The following CDKL5 variants were observed in gnomAD, a reference collection of about 807,000 sequenced individuals.
CDKL5 encodes the protein cyclin dependent kinase like 5, also known as cyclin-dependent kinase-like 5.
A neutral mutation model predicts 61.7 loss-of-function variants in CDKL5; 8 were observed. The observed-to-expected ratio is 0.13, with a 90% CI of 0.08 to 0.23. The LOEUF is 0.23. CDKL5 is among the 10% of genes least tolerant of loss of function. The probability of loss-of-function intolerance (pLI) is 1.00; values close to 1 mark genes in which losing one functional copy is unlikely to be tolerated. For synonymous variants in CDKL5, 275 were observed against 272.3 expected (o/e 1.01, Z -0.10); for missense variants, 440 against 734.5 (o/e 0.60, Z 4.63).
intron 17 of CDKL5, 129 bp downstream of exon 17, chrX:18,625,376 G>A: frequency 1.4e-6 from 1 of 706,479 alleles, no homozygotes; most frequent in Non-Finnish European, 2.2e-6. Context: ...CCTCAAAATA[G>A]ACCCTCAGTT....
chrX:18,499,201 A>G (rs1922290017), intron 1 of CDKL5, among the ~76,000 whole-genome samples: 1 of 111,623 alleles, frequency 9.0e-6, no homozygotes, highest in South Asian at 3.7e-4. Context: ...CATTTGGTCA[A>G]ATTTTAAAAA....
At chrX:18,563,711 A>G (rs961887171) in intron 3 of CDKL5, among the ~76,000 whole-genome samples, 2 of 111,903 alleles carry the variant, frequency 1.8e-5, no homozygotes, top group African/African-American at 6.5e-5. Context: ...TTTATATGAC[A>G]TGTTGGCTTT....
chrX:18,429,792 T>A (rs1274784634), intron 1 of CDKL5, among the ~76,000 whole-genome samples: 1 of 111,167 alleles, frequency 9.0e-6, no homozygotes, highest in Non-Finnish European at 1.9e-5. Context: ...CGTGCTCCCA[T>A]ACCAGGCCAA....
At position 18,632,664 on chromosome X, in the gene CDKL5, T is replaced by G; in HGVS notation, c.*3907T>G. ...TAAGATTCACCTTACGCAGTTGTACTTTAATTCTAAGCTCAGAGCTATGCT... is the reference window on the plus strand; with the variant it reads ...TAAGATTCACCTTACGCAGTTGTACGTTAATTCTAAGCTCAGAGCTATGCT... On this transcript the variant is annotated 3_prime_UTR_variant, in exon 18 of 18. Transcript: ENST00000623535. 1 of 754,347 alleles carries G rather than the reference T, an allele frequency of 1.3e-6. No individual in the cohort carries two copies. The highest frequency in any genetic ancestry group is 2.3e-5 in the African/African-American group (1 of 43,912). The allele number at this position is 754,347 out of a possible 1,213,427, so 62.2% of individuals were successfully genotyped here.
intron 11 of CDKL5, among the ~76,000 whole-genome samples, chrX:18,602,539 C>G (rs1464135262): frequency 9.0e-6 from 1 of 111,391 alleles, no homozygotes; most frequent in East Asian, 2.8e-4. Flanking sequence ...TGCTGTAATT[C>G]TAATGACCTA....
At chrX:18,475,407 A>G (rs1162413067) in intron 1 of CDKL5, among the ~76,000 whole-genome samples, 2 of 107,941 alleles carry the variant, frequency 1.9e-5, no homozygotes, top group African/African-American at 3.4e-5. Context: ...CGATCCTCCC[A>G]CCTCAGCCTC....
At chrX:18,564,150 A>G (rs1442504824) in intron 3 of CDKL5, among the ~76,000 whole-genome samples, 3 of 111,739 alleles carry the variant, frequency 2.7e-5, no homozygotes, top group African/African-American at 9.8e-5. Context: ...AGTACAGATG[A>G]CAGTCTGACA....
intron 3 of CDKL5, among the ~76,000 whole-genome samples, chrX:18,529,764 G>A (rs1923575003): frequency 9.1e-6 from 1 of 110,221 alleles, no homozygotes; most frequent in African/African-American, 3.3e-5. Flanking sequence ...TTTTTCCTCT[G>A]ATTTCTTTCA....
At chrX:18,480,844 CTCT>C (rs1397946769) in intron 1 of CDKL5, among the ~76,000 whole-genome samples, 1 of 97,450 alleles carries the variant, frequency 1.0e-5, no homozygotes, top group Non-Finnish European at 2.1e-5. Flanking sequence ...CTTCCTCTTC[CTCT>C]TCTTTCTTCC....
At chrX:18,519,703 C>T (rs182745408) in intron 3 of CDKL5, among the ~76,000 whole-genome samples, 3 of 111,299 alleles carry the variant, frequency 2.7e-5, no homozygotes, top group East Asian at 2.8e-4. Flanking sequence ...CACCCAAAGA[C>T]GAATACGAAG....
At position 18,509,238 on chromosome X, in the gene CDKL5, CA is replaced by C. The variant is rs1569198499; in HGVS notation, c.65-1581del. ...ACACACACACACACACACACACACA[CA>C]CACACACCCCTGTCAAGCAAACTCT... On this transcript the variant is annotated intron_variant, in intron 2 of 17. Transcript: ENST00000623535. Among the ~76,000 whole-genome samples, 131 of 107,669 alleles carry C rather than the reference CA, an allele frequency of 1.2e-3. No homozygotes were observed. The South Asian group carries it at 0.018, about 15-fold the overall frequency. 93.5% of individuals were successfully genotyped at this position (107,669 alleles called of 115,157 possible). A position where few individuals can be genotyped will look rare whatever the true frequency, so the allele number is the denominator to read the frequency against.
chrX:18,585,023 A>G (rs1925597615), intron 8 of CDKL5, among the ~76,000 whole-genome samples: 1 of 112,043 alleles, frequency 8.9e-6, no homozygotes. Flanking sequence ...TGGCTTATCT[A>G]TTTGTTCATT....
intron 1 of CDKL5, among the ~76,000 whole-genome samples, chrX:18,499,618 C>G (rs1922312837): frequency 9.0e-6 from 1 of 111,600 alleles, no homozygotes; most frequent in Non-Finnish European, 1.9e-5. Context: ...CCGCCTCGGC[C>G]TCGGCCTCCT....
At chrX:18,645,972 A>G in intron 19 of CDKL5, 2 of 1,210,074 alleles carry the variant, frequency 1.7e-6, no homozygotes, top group Non-Finnish European at 2.2e-6. Context: ...AGTCATGCGC[A>G]CTCTGCTGCT....
intron 3 of CDKL5, among the ~76,000 whole-genome samples, chrX:18,551,845 G>A (rs993415119): frequency 1.9e-5 from 2 of 107,702 alleles, no homozygotes; most frequent in African/African-American, 6.7e-5. Flanking sequence ...TGCCTGCCTC[G>A]GCCTCCAAAA....
rs187553913 is a variant in CDKL5 at position 18,437,947 on chromosome X, C to G, written c.-163+12252C>G. ...TGCCTGTAAAGAATACTTTTGCCCACTGTTCCTCTCCACATATACGAAGAA... is the reference window on the plus strand; with the variant it reads ...TGCCTGTAAAGAATACTTTTGCCCAGTGTTCCTCTCCACATATACGAAGAA... On this transcript the variant is annotated intron_variant, in intron 1 of 17. Transcript: ENST00000623535. Among the ~76,000 whole-genome samples the G allele has an allele frequency of 3.7e-4, 42 of 112,432 alleles. No homozygotes were observed. In the East Asian group the frequency reaches 0.012, roughly 31 times the overall value.
At chrX:18,574,743 C>T (rs1925238787) in intron 4 of CDKL5, among the ~76,000 whole-genome samples, 1 of 111,654 alleles carries the variant, frequency 9.0e-6, no homozygotes, top group Non-Finnish European at 1.9e-5. Context: ...AGCTGCTGTT[C>T]AGAGAGAAGA....
chrX:18,610,021 T>C (rs1926495561), intron 14 of CDKL5, among the ~76,000 whole-genome samples: 1 of 111,968 alleles, frequency 8.9e-6, no homozygotes, highest in South Asian at 3.7e-4. Flanking sequence ...GTAAAAGATA[T>C]TAAGTGCTAC....
intron 1 of CDKL5, among the ~76,000 whole-genome samples, chrX:18,441,131 C>T (rs1931731637): frequency 9.0e-6 from 1 of 111,274 alleles, no homozygotes; most frequent in Non-Finnish European, 1.9e-5. Context: ...AAATCTTTAA[C>T]ATGGCTGGGC....
Sources: gnomAD v4.1 joint callset for allele counts (sites outside exome capture counted in the v4.1 genomes callset) on GRCh38, gnomAD v4.1.1 for gene constraint, MANE v1.5 for transcripts, NCBI Gene and HGNC (gene_info 2026-07-23, HGNC 2026-07-21) for gene names.